TANC2: variants seen among roughly 807,000 people sequenced by gnomAD.
TANC2 encodes protein TANC2.
TANC2 carries 26 observed loss-of-function variants against 210.5 expected under a neutral mutation model. The ratio of observed to expected loss-of-function variants is 0.12; its 90% confidence interval spans 0.09 to 0.17. The LOEUF (loss-of-function observed/expected upper bound fraction) is 0.17. TANC2 is among the 10% of genes least tolerant of loss of function. The pLI is 1.00. For missense variants in TANC2, 2,129 were observed against 2,608.9 expected, an observed-to-expected ratio of 0.82 and a Z score of 4.01; for synonymous variants, 931 against 967.1, an observed-to-expected ratio of 0.96 and a Z score of 0.69.
At chr17:63,091,244 GT>G (rs1284612587) in intron 3 of TANC2, among the ~76,000 whole-genome samples, 1 of 152,078 alleles carries the variant, frequency 6.6e-6, no homozygotes. Flanking sequence ...TTTGGCTTTT[GT>G]TGCCATTGCT....
At chr17:63,288,747 A>G (rs1002470175) in intron 9 of TANC2, among the ~76,000 whole-genome samples, 4 of 152,146 alleles carry the variant, frequency 2.6e-5, no homozygotes, top group Admixed American at 1.3e-4. Context: ...TAAAAAAAAA[A>G]TAAAAGTTTG....
chr17:63,337,808 C>A (rs1375190771), intron 11 of TANC2, among the ~76,000 whole-genome samples: 1 of 152,244 alleles, frequency 6.6e-6, no homozygotes, highest in Admixed American at 6.5e-5. Context: ...GTTGTTGTTT[C>A]CCTCTACATG....
intron 2 of TANC2, among the ~76,000 whole-genome samples, chr17:63,019,406 C>T (rs939285241): frequency 1.8e-4 from 27 of 151,922 alleles, no homozygotes; most frequent in African/African-American, 6.3e-4. Context: ...TTTGTAGAGA[C>T]TGGGTTTCAC....
At chr17:63,146,936 CA>C (rs1229774040) in intron 4 of TANC2, among the ~76,000 whole-genome samples, 8 of 151,974 alleles carry the variant, frequency 5.3e-5, no homozygotes, top group African/African-American at 1.9e-4. Context: ...AAATAGACCC[CA>C]TATGGTTAAT....
At chr17:63,381,556 T>C (rs560866909) in intron 15 of TANC2, 1 of 152,346 alleles carries the variant, frequency 6.6e-6, no homozygotes, top group South Asian at 2.1e-4. Flanking sequence ...GAAACTTCTA[T>C]TCAGCAGTGA....
intron 14 of TANC2, among the ~76,000 whole-genome samples, chr17:63,376,779 T>C (rs1470720013): frequency 6.6e-6 from 1 of 151,958 alleles, no homozygotes; most frequent in Non-Finnish European, 1.5e-5. Flanking sequence ...CAGGGTTCTT[T>C]CGAACTCATA....
intron 9 of TANC2, among the ~76,000 whole-genome samples, chr17:63,307,955 C>T (rs887770543): frequency 2.0e-5 from 3 of 152,062 alleles, no homozygotes; most frequent in East Asian, 1.9e-4. Context: ...TTAGTAGAGA[C>T]GGGGTTTCAC....
intron 11 of TANC2, among the ~76,000 whole-genome samples, chr17:63,331,469 C>G (rs1484562694): frequency 6.6e-6 from 1 of 152,202 alleles, no homozygotes; most frequent in Non-Finnish European, 1.5e-5. Context: ...AACAGTGAAG[C>G]AAATTCAACC....
chr17:63,241,313 C>G (rs1365852743), intron 8 of TANC2, among the ~76,000 whole-genome samples: 1 of 152,162 alleles, frequency 6.6e-6, no homozygotes, highest in Non-Finnish European at 1.5e-5. Context: ...GCATTTATCA[C>G]TATTTGCTAA....
intron 8 of TANC2, among the ~76,000 whole-genome samples, chr17:63,261,839 C>G (rs571885866): frequency 5.9e-5 from 9 of 152,244 alleles, no homozygotes; most frequent in African/African-American, 1.9e-4. Flanking sequence ...GTATTTTAAC[C>G]TAACAAGATG....
intron 19 of TANC2, among the ~76,000 whole-genome samples, chr17:63,399,737 G>A (rs2048285156): frequency 6.6e-6 from 1 of 152,208 alleles, no homozygotes; most frequent in Non-Finnish European, 1.5e-5. Context: ...ATGCATTTGG[G>A]TTAGGATAAG....
chr17:63,284,649 AT>A (rs2044165744), intron 9 of TANC2, among the ~76,000 whole-genome samples: 1 of 151,938 alleles, frequency 6.6e-6, no homozygotes, highest in African/African-American at 2.4e-5. Context: ...TTTATACAGA[AT>A]TTTTTACGGC....
intron 7 of TANC2, among the ~76,000 whole-genome samples, chr17:63,224,664 G>C (rs1031025047): frequency 3.3e-5 from 5 of 152,290 alleles, no homozygotes; most frequent in Admixed American, 2.0e-4. Flanking sequence ...CCTATTAACT[G>C]CACTTAGAGA....
At chr17:63,145,953 G>A (rs576562091) in intron 4 of TANC2, among the ~76,000 whole-genome samples, 9 of 152,172 alleles carry the variant, frequency 5.9e-5, no homozygotes, top group East Asian at 1.9e-4. Context: ...ATTGAAAGTC[G>A]TTGGGATTTT....
chr17:63,423,674 G>T (rs1010086340), exon 28 of TANC2: 2 of 152,214 alleles, frequency 1.3e-5, no homozygotes, highest in Non-Finnish European at 2.9e-5. Flanking sequence ...ATGAACCTGA[G>T]ATCAGAAGCA....
chr17:63,170,090 A>C (rs528035532), intron 5 of TANC2, among the ~76,000 whole-genome samples: 1 of 149,810 alleles, frequency 6.7e-6, no homozygotes, highest in Non-Finnish European at 1.5e-5. Flanking sequence ...CTGCACTCCA[A>C]CTGCACTCCA....
chr17:63,175,731 G>A (rs2040557237), intron 5 of TANC2, among the ~76,000 whole-genome samples: 1 of 152,028 alleles, frequency 6.6e-6, no homozygotes, highest in Non-Finnish European at 1.5e-5. Context: ...AATGGAAAGT[G>A]GAGCCATAAA....
intron 9 of TANC2, among the ~76,000 whole-genome samples, chr17:63,304,991 G>A (rs1384408435): frequency 1.3e-5 from 2 of 152,240 alleles, no homozygotes; most frequent in Non-Finnish European, 1.5e-5. Flanking sequence ...CCCCTGCCCA[G>A]GGAGCTTAGT....
Position 63,192,974 on chromosome 17 carries a change from G to C in TANC2, c.434-1017G>C, listed in dbSNP as rs572481662. Among the ~76,000 whole-genome samples, 3 of 152,244 alleles carry C rather than the reference G, an allele frequency of 2.0e-5. No individual in the cohort carries two copies. In the East Asian group the frequency reaches 5.8e-4, roughly 29 times the overall value. On this transcript the variant is annotated intron_variant, in intron 5 of 27. Transcript: ENST00000689528. ...ACTTTGTAGGAGACAGTGAAATAGA[G>C]CCCCAGAATATCTAGAGGTCTGGAA...
Sources: gnomAD v4.1 joint callset for allele counts (sites outside exome capture counted in the v4.1 genomes callset) on GRCh38, gnomAD v4.1.1 for gene constraint, MANE v1.5 for transcripts, NCBI Gene and HGNC (gene_info 2026-07-23, HGNC 2026-07-21) for gene names.